Variants in RABGAP1L observed in about 807,000 individuals in gnomAD.
RABGAP1L encodes rab GTPase-activating protein 1-like.
RABGAP1L carries 63 observed loss-of-function variants against 137.7 expected under a neutral mutation model. The observed-to-expected ratio is 0.46, with a 90% CI of 0.37 to 0.56. The LOEUF is 0.56. RABGAP1L is among the 20% of genes least tolerant of loss of function. The probability of loss-of-function intolerance (pLI) is 0.00; values close to 1 mark genes in which losing one functional copy is unlikely to be tolerated. For missense variants in RABGAP1L, 1,095 were observed against 1,244.0 expected, an observed-to-expected ratio of 0.88 and a Z score of 1.80; for synonymous variants, 431 against 433.7, an observed-to-expected ratio of 0.99 and a Z score of 0.08.
chr1:174,169,840 T>A (rs1488740083), intron 1 of RABGAP1L, among the ~76,000 whole-genome samples: 1 of 136,160 alleles, frequency 7.3e-6, no homozygotes, highest in Non-Finnish European at 1.6e-5. Flanking sequence ...ACTATAGGAC[T>A]GTACCCACCA....
chr1:174,514,308 C>A (rs1349843005), intron 13 of RABGAP1L, among the ~76,000 whole-genome samples: 2 of 149,304 alleles, frequency 1.3e-5, no homozygotes, highest in Non-Finnish European at 3.0e-5. Context: ...ATTCGTTTTC[C>A]ACCTTTAAAA....
At chr1:174,296,175 G>A (rs529190457) in intron 10 of RABGAP1L, among the ~76,000 whole-genome samples, 1 of 152,270 alleles carries the variant, frequency 6.6e-6, no homozygotes, top group South Asian at 2.1e-4. Context: ...ACTGCAAGGA[G>A]CTTATTTAGG....
intron 19 of RABGAP1L, among the ~76,000 whole-genome samples, chr1:174,894,478 A>G (rs777548608): frequency 6.6e-6 from 1 of 152,344 alleles, no homozygotes; most frequent in African/African-American, 2.4e-5. Flanking sequence ...AATGTTTTCA[A>G]TGACTACCTT....
chr1:174,762,841 T>G (rs1008521376), intron 18 of RABGAP1L, among the ~76,000 whole-genome samples: 1 of 145,422 alleles, frequency 6.9e-6, no homozygotes, highest in Non-Finnish European at 1.5e-5. Flanking sequence ...TTAAGATAGA[T>G]TCTAGCTCTG....
chr1:174,520,958 A>G (rs1376633462), intron 13 of RABGAP1L, among the ~76,000 whole-genome samples: 1 of 152,176 alleles, frequency 6.6e-6, no homozygotes, highest in African/African-American at 2.4e-5. Context: ...CTGAGATTGC[A>G]CCACTGCACT....
intron 17 of RABGAP1L, among the ~76,000 whole-genome samples, chr1:174,720,212 G>A (rs1287433485): frequency 6.6e-6 from 1 of 151,896 alleles, no homozygotes; most frequent in African/African-American, 2.4e-5. Context: ...TTCAACAAAT[G>A]TTGCTGAGGT....
chr1:174,406,216 T>C (rs1474866597), intron 13 of RABGAP1L, among the ~76,000 whole-genome samples: 1 of 152,132 alleles, frequency 6.6e-6, no homozygotes, highest in African/African-American at 2.4e-5. Context: ...TATATGTGAA[T>C]TTGAGAAGTA....
At chr1:174,733,404 G>T (rs1382320812) in intron 17 of RABGAP1L, among the ~76,000 whole-genome samples, 1 of 152,156 alleles carries the variant, frequency 6.6e-6, no homozygotes, top group Non-Finnish European at 1.5e-5. Context: ...TGCCTTTACA[G>T]ATGCTATGCT....
At chr1:174,250,738 G>A (rs563808036) in intron 6 of RABGAP1L, 106 bp downstream of exon 6, 55 of 954,180 alleles carry the variant, frequency 5.8e-5, no homozygotes, top group Admixed American at 5.3e-4. Context: ...GCCTCAAACT[G>A]ATAAATATTT....
At chr1:174,651,046 G>T (rs1047477588) in intron 14 of RABGAP1L, among the ~76,000 whole-genome samples, 2 of 151,348 alleles carry the variant, frequency 1.3e-5, no homozygotes, top group Non-Finnish European at 2.9e-5. Context: ...CTTTGTTCTC[G>T]TTGGTTTCAA....
At chr1:174,866,862 G>A (rs909644617) in intron 19 of RABGAP1L, among the ~76,000 whole-genome samples, 1 of 152,092 alleles carries the variant, frequency 6.6e-6, no homozygotes, top group African/African-American at 2.4e-5. Flanking sequence ...ACAGTGAGCT[G>A]TGATCGTGCC....
At chr1:174,161,079 C>T (rs1455338219) in intron 1 of RABGAP1L, among the ~76,000 whole-genome samples, 3 of 152,064 alleles carry the variant, frequency 2.0e-5, no homozygotes, top group African/African-American at 7.3e-5. Context: ...TAGCTCTAGA[C>T]TTTGAGTTAG....
intron 13 of RABGAP1L, among the ~76,000 whole-genome samples, chr1:174,512,151 C>T (rs1416709941): frequency 6.6e-6 from 1 of 152,114 alleles, no homozygotes; most frequent in Non-Finnish European, 1.5e-5. Flanking sequence ...TTATTTCTAA[C>T]TAGTTAGGAA....
chr1:174,354,678 G>A (rs1181168446), intron 11 of RABGAP1L, among the ~76,000 whole-genome samples: 4 of 152,098 alleles, frequency 2.6e-5, no homozygotes, highest in African/African-American at 9.7e-5. Context: ...GATCCCATTT[G>A]TCAATTTTGG....
intron 1 of RABGAP1L, among the ~76,000 whole-genome samples, chr1:174,173,131 ATT>A (rs771261221): frequency 1.2e-4 from 17 of 140,658 alleles, no homozygotes; most frequent in Non-Finnish European, 7.8e-5. Context: ...AGTTAAAAAG[ATT>A]TTTTTTTTTT....
intron 19 of RABGAP1L, among the ~76,000 whole-genome samples, chr1:174,861,460 A>T (rs1650256613): frequency 6.6e-6 from 1 of 152,142 alleles, no homozygotes; most frequent in African/African-American, 2.4e-5. Context: ...TGATTTCATT[A>T]CCTTTGGTTA....
chr1:174,311,952 C>T (rs1321911730), intron 11 of RABGAP1L, among the ~76,000 whole-genome samples: 3 of 152,162 alleles, frequency 2.0e-5, no homozygotes, highest in African/African-American at 4.8e-5. Context: ...AATAGTCCTC[C>T]GTTGCATGTA....
chr1:174,249,721 C>G (rs1218034101), intron 5 of RABGAP1L, among the ~76,000 whole-genome samples: 1 of 151,052 alleles, frequency 6.6e-6, no homozygotes, highest in Admixed American at 6.6e-5. Context: ...TGGCTCACTG[C>G]AACCTCCACC....
chr1:174,432,789 G>A (rs1385099763), intron 13 of RABGAP1L, among the ~76,000 whole-genome samples: 1 of 152,140 alleles, frequency 6.6e-6, no homozygotes, highest in African/African-American at 2.4e-5. Flanking sequence ...ACCTGCCTCG[G>A]CCTCTGAAAG....
Sources: gnomAD v4.1 joint callset for allele counts (sites outside exome capture counted in the v4.1 genomes callset) on GRCh38, gnomAD v4.1.1 for gene constraint, MANE v1.5 for transcripts, NCBI Gene and HGNC (gene_info 2026-07-23, HGNC 2026-07-21) for gene names.